The following WAC variants were observed in gnomAD, a reference collection of about 807,000 sequenced individuals.
The protein encoded by WAC is WW domain-containing adapter protein with coiled-coil.
In WAC, 11 loss-of-function variants were observed where a neutral mutation model predicts 79.6. The observed-to-expected ratio is 0.14, with a 90% CI of 0.09 to 0.23. The LOEUF (loss-of-function observed/expected upper bound fraction) is 0.23, where lower values mean the gene tolerates loss of function less well. WAC is among the 10% of genes least tolerant of loss of function. WAC has a pLI of 1.00. For missense variants in WAC, 728 were observed against 773.5 expected (o/e 0.94, Z 0.70); for synonymous variants, 304 against 276.9 (o/e 1.10, Z -0.97).
At chr10:28,605,963 A>G (rs1840920178) in intron 7 of WAC, among the ~76,000 whole-genome samples, 1 of 152,200 alleles carries the variant, frequency 6.6e-6, no homozygotes, top group Admixed American at 6.5e-5. Flanking sequence ...TGTGTGAAAG[A>G]ACCTTTAAGA....
intron 3 of WAC, among the ~76,000 whole-genome samples, chr10:28,548,886 T>C (rs966992323): frequency 1.3e-5 from 2 of 152,166 alleles, no homozygotes; most frequent in South Asian, 4.1e-4. Flanking sequence ...TTTGTAGTTT[T>C]TTTTTGGTTT....
At chr10:28,613,769 C>T (rs1841353452) in intron 10 of WAC, among the ~76,000 whole-genome samples, 1 of 152,102 alleles carries the variant, frequency 6.6e-6, no homozygotes, top group African/African-American at 2.4e-5. Context: ...CAAAGGACTC[C>T]ATCTGCCTTT....
intron 3 of WAC, among the ~76,000 whole-genome samples, chr10:28,578,100 A>G (rs771957606): frequency 3.3e-5 from 5 of 152,222 alleles, no homozygotes; most frequent in Non-Finnish European, 7.4e-5. Flanking sequence ...CAGAGGTTGC[A>G]GTGAGTCAAG....
intron 4 of WAC, among the ~76,000 whole-genome samples, chr10:28,585,807 CAAACA>C (rs1839792823): frequency 6.6e-6 from 1 of 151,876 alleles, no homozygotes; most frequent in African/African-American, 2.4e-5. Context: ...AACACAAATG[CAAACA>C]AAACAAACAC....
intron 4 of WAC, chr10:28,588,904 T>C (rs1283347488): frequency 1.3e-5 from 2 of 152,182 alleles, no homozygotes; most frequent in African/African-American, 4.8e-5. Context: ...ATATAATCAA[T>C]GTTATTTCAG....
chr10:28,546,943 G>A (rs1169239315), intron 3 of WAC, among the ~76,000 whole-genome samples: 2 of 151,326 alleles, frequency 1.3e-5, no homozygotes, highest in Admixed American at 6.6e-5. Flanking sequence ...TCACTGTTAG[G>A]CTTTCTTTTT....
chr10:28,533,331 C>A lies in WAC; in HGVS notation c.-249C>A, dbSNP rs1399504941. ...CCGGACGCGTCGTCTTGCCCCCCTC[C>A]CCCCGGTTCGCGGTGCCGCCGTGTA... On this transcript the variant is annotated 5_prime_UTR_variant, in exon 1 of 14. Transcript: ENST00000354911. 6.5e-6 allele frequency: 1 copy of A among 154,330 alleles called. No individual in the cohort carries two copies. The highest frequency in any genetic ancestry group is 2.4e-5 in the African/African-American group (1 of 41,394). The allele number at this position is 154,330 out of a possible 1,614,324, so 9.6% of individuals were successfully genotyped here.
chr10:28,615,218 C>T (rs1841421748), intron 11 of WAC: 1 of 152,148 alleles, frequency 6.6e-6, no homozygotes, highest in Admixed American at 6.5e-5. Flanking sequence ...CTTTAAATGA[C>T]ATTTGTTGAA....
chr10:28,556,090 A>G (rs1837965035), intron 3 of WAC, among the ~76,000 whole-genome samples: 1 of 152,168 alleles, frequency 6.6e-6, no homozygotes, highest in South Asian at 2.1e-4. Context: ...TCCTTTGGAT[A>G]GATATCCAGT....
intron 10 of WAC, among the ~76,000 whole-genome samples, chr10:28,613,800 T>C (rs1015578189): frequency 1.3e-5 from 2 of 152,198 alleles, no homozygotes; most frequent in South Asian, 2.1e-4. Context: ...TTAGAGCTTA[T>C]ATTTTAAACT....
At chr10:28,616,442 G>T in intron 12 of WAC, 80 bp downstream of exon 12, 1 of 1,142,308 alleles carries the variant, frequency 8.8e-7, no homozygotes, top group South Asian at 2.4e-5. Flanking sequence ...AATCTAATGT[G>T]ACCACTGAAT....
At chr10:28,574,238 C>A (rs936514924) in intron 3 of WAC, among the ~76,000 whole-genome samples, 4 of 152,078 alleles carry the variant, frequency 2.6e-5, no homozygotes, top group Admixed American at 1.3e-4. Context: ...ACCTCCGCCT[C>A]CCAGGTTCCA....
intron 3 of WAC, among the ~76,000 whole-genome samples, chr10:28,551,784 TTGTGTGTGTGTG>T (rs71769370): frequency 3.8e-4 from 47 of 124,808 alleles, no homozygotes; most frequent in South Asian, 7.9e-4. Flanking sequence ...TCCTGTCTAC[TTGTGTGTGTGTG>T]TGTGTGTGTG....
intron 7 of WAC, among the ~76,000 whole-genome samples, chr10:28,599,795 A>ACT (rs1303308816): frequency 6.6e-6 from 1 of 152,198 alleles, no homozygotes; most frequent in Non-Finnish European, 1.5e-5. Flanking sequence ...GATGTTAGGT[A>ACT]GAGTGAAACA....
chr10:28,585,847 A>G (rs1589200696), intron 4 of WAC, among the ~76,000 whole-genome samples: 1 of 152,130 alleles, frequency 6.6e-6, no homozygotes, highest in Non-Finnish European at 1.5e-5. Flanking sequence ...ACAAACTTTG[A>G]TTATTAGGAT....
At position 28,533,616 on chromosome 10, in the gene WAC, G is replaced by T. The variant is rs1244345094; in HGVS notation, c.37G>T (p.Asp13Tyr). The T allele has an allele frequency of 1.2e-6, 2 of 1,600,066 alleles. No homozygotes were observed. The highest frequency in any genetic ancestry group is 1.7e-5 in the Admixed American group (1 of 59,284). Residue 13 changes from aspartate to tyrosine, a missense_variant, in exon 1 of 14, where the codon GAT (aspartate) becomes TAT (tyrosine). This residue lies in a region of WAC where 648 missense variants were observed against 661.5 expected (regional missense o/e 0.98). Transcript: ENST00000354911. ...TGCGAGGAAACAGCAGAGACTCAGT[G>T]ATGGGTAAATTGTCTTTTCGTTTCG... is the stretch of plus-strand genomic sequence containing the variant. ...MYARKQQRLS[D>Y]GCHDRRGDSQ...
At chr10:28,607,896 A>G (rs903446592) in intron 7 of WAC, among the ~76,000 whole-genome samples, 3 of 152,242 alleles carry the variant, frequency 2.0e-5, no homozygotes, top group African/African-American at 7.2e-5. Context: ...GGTGGTAGAC[A>G]GATTGGTACT....
intron 6 of WAC, among the ~76,000 whole-genome samples, chr10:28,593,694 C>T (rs1228420098): frequency 1.3e-5 from 2 of 148,420 alleles, no homozygotes; most frequent in African/African-American, 2.5e-5. Flanking sequence ...TTCAGTGAGG[C>T]GAGATTCATG....
chr10:28,608,751 C>T (rs1347224894), intron 8 of WAC, among the ~76,000 whole-genome samples: 1 of 151,846 alleles, frequency 6.6e-6, no homozygotes, highest in African/African-American at 2.4e-5. Flanking sequence ...AACAATCGAG[C>T]GTTTGTTGAA....
Sources: allele counts gnomAD v4.1 joint callset (sites outside exome capture counted in the v4.1 genomes callset), GRCh38; gene constraint gnomAD v4.1.1; regional missense constraint gnomAD v4.1.1; transcripts MANE v1.5; gene names NCBI Gene and HGNC (gene_info 2026-07-23, HGNC 2026-07-21).